AGO3: variants seen among roughly 807,000 people sequenced by gnomAD.
AGO3 encodes the protein argonaute RISC catalytic component 3.
In AGO3, 16 loss-of-function variants were observed where a neutral mutation model predicts 105.5. That is an observed-to-expected ratio of 0.15 (90% CI 0.10 to 0.23). AGO3 has a LOEUF of 0.23. Ranked by LOEUF, AGO3 falls within the 10% of genes least tolerant of loss-of-function variation. The pLI, the probability that AGO3 is intolerant of heterozygous loss-of-function variation, is 1.00. For missense variants in AGO3, 534 were observed against 1,088.0 expected (o/e 0.49, Z 7.16); for synonymous variants, 340 against 367.3 (o/e 0.93, Z 0.85).
At chr1:35,989,992 A>C (rs1466124904) in intron 5 of AGO3, among the ~76,000 whole-genome samples, 1 of 152,216 alleles carries the variant, frequency 6.6e-6, no homozygotes, top group Non-Finnish European at 1.5e-5. Context: ...TATATTAATT[A>C]TTAATACTAC....
chr1:36,020,611 A>C (rs1164522391), intron 11 of AGO3, among the ~76,000 whole-genome samples: 1 of 149,948 alleles, frequency 6.7e-6, no homozygotes, highest in East Asian at 1.9e-4. Flanking sequence ...CCATACATTT[A>C]TTTATTTATT....
intron 11 of AGO3, among the ~76,000 whole-genome samples, chr1:36,015,021 G>A (rs1408970647): frequency 6.6e-6 from 1 of 152,062 alleles, no homozygotes; most frequent in Non-Finnish European, 1.5e-5. Flanking sequence ...CCAGCTGGGT[G>A]TCCTCCAATT....
chr1:35,982,305 A>G (rs899193620), intron 5 of AGO3, among the ~76,000 whole-genome samples: 3 of 152,180 alleles, frequency 2.0e-5, no homozygotes, highest in African/African-American at 7.2e-5. Context: ...CCCTTGTTTA[A>G]AGAAATCACA....
intron 17 of AGO3, among the ~76,000 whole-genome samples, chr1:36,052,096 C>T (rs1569953758): frequency 1.3e-5 from 2 of 152,212 alleles, no homozygotes; most frequent in Admixed American, 6.5e-5. Flanking sequence ...AACAGTGTGT[C>T]AAGAAGATAT....
chr1:36,058,462 A>G lies in AGO3; in HGVS notation c.*2717A>G, dbSNP rs548547359. On this transcript the variant is annotated 3_prime_UTR_variant, in exon 19 of 19. Transcript: ENST00000373191. Reference sequence around the variant, plus strand: ...ATTTTTTTTTTTTTTGCACTGGTTCAGAGTATAGATACTACAGATTGTTTC... The same window carrying G: ...ATTTTTTTTTTTTTTGCACTGGTTCGGAGTATAGATACTACAGATTGTTTC... The G allele has an allele frequency of 9.3e-5, 14 of 150,896 alleles. No individual in the cohort carries two copies. The highest frequency in any genetic ancestry group is 6.8e-3 in the Middle Eastern group (2 of 294). 9.3% of individuals were successfully genotyped at this position (150,896 alleles called of 1,614,324 possible).
intron 6 of AGO3, among the ~76,000 whole-genome samples, chr1:36,006,274 A>G (rs924329229): frequency 2.0e-5 from 3 of 152,088 alleles, no homozygotes; most frequent in Non-Finnish European, 4.4e-5. Flanking sequence ...TGCAATAAAG[A>G]ATAGATTTTC....
At chr1:35,982,715 A>G in intron 5 of AGO3, 1 of 714,438 alleles carries the variant, frequency 1.4e-6, no homozygotes, top group Non-Finnish European at 2.6e-6. Flanking sequence ...TAGTTCAGGT[A>G]AGAGATGGTG....
chr1:35,958,912 A>G (rs1344598736), intron 2 of AGO3, among the ~76,000 whole-genome samples: 1 of 152,188 alleles, frequency 6.6e-6, no homozygotes, highest in Non-Finnish European at 1.5e-5. Context: ...GTAGTGACAC[A>G]TTCATTTATT....
intron 17 of AGO3, 40 bp from the exon 18 acceptor site, chr1:36,054,906 G>A: frequency 6.3e-7 from 1 of 1,588,990 alleles, no homozygotes; most frequent in East Asian, 2.2e-5. Flanking sequence ...AACAAAAAGA[G>A]TTCAAAATTC....
chr1:35,934,022 G>C (rs181124570), intron 1 of AGO3, among the ~76,000 whole-genome samples: 3 of 152,262 alleles, frequency 2.0e-5, no homozygotes, highest in African/African-American at 7.2e-5. Flanking sequence ...GGTGAAATTA[G>C]TTAAAAATTA....
At position 35,993,331 on chromosome 1, in the gene AGO3, A is replaced by G. The variant is rs577651967; in HGVS notation, c.659-11010A>G. Among the ~76,000 whole-genome samples, 38 of 152,282 alleles carry G rather than the reference A, an allele frequency of 2.5e-4. 1 individual carries two copies. Among genetic ancestry groups the G allele is most frequent in the African/African-American group, 8.7e-4 (36 of 41,552 alleles). ...ACTGTACAGAATATCAATGAAGCCAACTGTTGGTTATTTAAAAAAAATAAG... is the reference window on the plus strand; with the variant it reads ...ACTGTACAGAATATCAATGAAGCCAGCTGTTGGTTATTTAAAAAAAATAAG... On this transcript the variant is annotated intron_variant, in intron 5 of 18. Coordinates refer to ENST00000373191, the MANE Select transcript of AGO3 (RefSeq NM_024852.4).
intron 9 of AGO3, among the ~76,000 whole-genome samples, chr1:36,010,942 A>G (rs1569767440): frequency 1.4e-5 from 2 of 138,600 alleles, no homozygotes; most frequent in East Asian, 2.5e-4. Flanking sequence ...GGAGGGAGGG[A>G]GGGAAAGAAA....
intron 5 of AGO3, chr1:35,982,523 C>A: frequency 4.8e-6 from 3 of 623,132 alleles, no homozygotes; most frequent in Non-Finnish European, 5.8e-6. Flanking sequence ...AAGATAAAAA[C>A]AAATCAATGA....
At chr1:36,021,211 C>T (rs1473523987) in intron 11 of AGO3, among the ~76,000 whole-genome samples, 1 of 152,106 alleles carries the variant, frequency 6.6e-6, no homozygotes, top group African/African-American at 2.4e-5. Context: ...GGATTACAGG[C>T]GTGAACCACT....
At chr1:35,956,156 G>A (rs950307638) in intron 2 of AGO3, among the ~76,000 whole-genome samples, 1 of 152,068 alleles carries the variant, frequency 6.6e-6, no homozygotes, top group Non-Finnish European at 1.5e-5. Context: ...AAGACACAGT[G>A]GCAATAATGA....
chr1:36,029,319 TAGA>T (rs1399952186), intron 12 of AGO3, among the ~76,000 whole-genome samples: 1 of 150,836 alleles, frequency 6.6e-6, no homozygotes, highest in East Asian at 1.9e-4. Flanking sequence ...TTAGAAATAA[TAGA>T]AGAAATCACA....
chr1:35,958,830 G>A lies in AGO3; in HGVS notation c.192-8125G>A, dbSNP rs190808610. Among the ~76,000 whole-genome samples, 224 of 152,254 alleles carry A rather than the reference G, an allele frequency of 1.5e-3. 1 individual carries two copies. The highest frequency in any genetic ancestry group is 5.1e-3 in the African/African-American group (212 of 41,536). On this transcript the variant is annotated intron_variant, in intron 2 of 18. Transcript: ENST00000373191. The stretch of plus-strand genomic sequence containing the variant: ...CAAAGAGAGACTGCCAGCTGTTTTA[G>A]TTGTGTTTTATAAACCTCTGGATGA...
chr1:35,952,860 C>T (rs1267246070), intron 2 of AGO3, among the ~76,000 whole-genome samples: 1 of 152,152 alleles, frequency 6.6e-6, no homozygotes, highest in Non-Finnish European at 1.5e-5. Context: ...TGGAACATAT[C>T]CCCATCGTTA....
chr1:35,980,327 T>C (rs72902990), intron 5 of AGO3, among the ~76,000 whole-genome samples: 1 of 152,364 alleles, frequency 6.6e-6, no homozygotes, highest in African/African-American at 2.4e-5. Context: ...GTGCAGTCAT[T>C]GAGCTTATTC....
Sources: gnomAD v4.1 joint callset for allele counts (sites outside exome capture counted in the v4.1 genomes callset) on GRCh38, gnomAD v4.1.1 for gene constraint, MANE v1.5 for transcripts, NCBI Gene and HGNC (gene_info 2026-07-23, HGNC 2026-07-21) for gene names.